SLC30A8: variants seen among roughly 807,000 people sequenced by gnomAD.
The protein encoded by SLC30A8 is solute carrier family 30 member 8, also known as proton-coupled zinc antiporter SLC30A8.
SLC30A8 carries 27 observed loss-of-function variants against 36.9 expected under a neutral mutation model. The ratio of observed to expected loss-of-function variants is 0.73; its 90% CI spans 0.54 to 1.01. The LOEUF is 1.01. SLC30A8 is among the 50% of genes least tolerant of loss of function. The pLI is 0.00. For missense variants in SLC30A8, 439 were observed against 452.0 expected, an observed-to-expected ratio of 0.97 and a Z score of 0.26; for synonymous variants, 164 against 172.4, an observed-to-expected ratio of 0.95 and a Z score of 0.38.
intron 2 of SLC30A8, among the ~76,000 whole-genome samples, chr8:117,117,765 A>T (rs1003362009): frequency 1.3e-5 from 2 of 151,962 alleles, no homozygotes; most frequent in Non-Finnish European, 2.9e-5. Flanking sequence ...ACGAACCAAT[A>T]TGATGACATC....
At chr8:116,981,148 A>G (rs550327116) in intron 1 of SLC30A8, among the ~76,000 whole-genome samples, 2 of 152,240 alleles carry the variant, frequency 1.3e-5, no homozygotes, top group South Asian at 2.1e-4. Flanking sequence ...TTTCACTTCC[A>G]TGTGTAGCAA....
intron 2 of SLC30A8, among the ~76,000 whole-genome samples, chr8:117,119,527 C>T (rs1431671852): frequency 3.3e-5 from 5 of 151,880 alleles, no homozygotes; most frequent in Admixed American, 1.3e-4. Context: ...AATTATTCTA[C>T]GTGATCACCC....
chr8:117,065,276 G>T (rs1284288437), intron 2 of SLC30A8, among the ~76,000 whole-genome samples: 1 of 152,072 alleles, frequency 6.6e-6, no homozygotes, highest in Non-Finnish European at 1.5e-5. Flanking sequence ...GTGAGATTGG[G>T]TGTCTAACAT....
chr8:117,124,818 C>T (rs1216112212), intron 2 of SLC30A8, among the ~76,000 whole-genome samples: 1 of 151,310 alleles, frequency 6.6e-6, no homozygotes, highest in Non-Finnish European at 1.5e-5. Context: ...GTGTGGGCTC[C>T]TATTGGGTAC....
intron 2 of SLC30A8, among the ~76,000 whole-genome samples, chr8:117,044,146 G>T (rs1817474070): frequency 6.6e-6 from 1 of 152,178 alleles, no homozygotes; most frequent in Non-Finnish European, 1.5e-5. Context: ...GACTGAGGAG[G>T]TAGTGGTCTT....
chr8:117,153,135 A>G (rs1432323164), intron 3 of SLC30A8, 45 bp downstream of exon 3: 2 of 1,489,244 alleles, frequency 1.3e-6, no homozygotes, highest in Admixed American at 2.0e-5. Flanking sequence ...GGTGCTGCAA[A>G]GTCAAACCAA....
intron 1 of SLC30A8, among the ~76,000 whole-genome samples, chr8:117,138,982 T>G (rs1821505148): frequency 6.6e-6 from 1 of 152,084 alleles, no homozygotes; most frequent in African/African-American, 2.4e-5. Context: ...ATAGGGACAC[T>G]GTTGAAAACA....
intron 2 of SLC30A8, among the ~76,000 whole-genome samples, chr8:117,125,021 A>G (rs916918529): frequency 3.3e-5 from 5 of 152,064 alleles, no homozygotes; most frequent in Middle Eastern, 3.2e-3. Flanking sequence ...ATATTGAGAT[A>G]CCAAAATTCT....
chr8:117,159,461 C>T (rs1476681956), intron 4 of SLC30A8, among the ~76,000 whole-genome samples: 1 of 152,162 alleles, frequency 6.6e-6, no homozygotes, highest in Non-Finnish European at 1.5e-5. Context: ...CAGCCTTGCC[C>T]CTTGACATCT....
intron 2 of SLC30A8, among the ~76,000 whole-genome samples, chr8:117,105,675 C>T (rs1208616112): frequency 1.3e-5 from 2 of 152,102 alleles, no homozygotes; most frequent in Admixed American, 6.6e-5. Flanking sequence ...TTTTTGCTCT[C>T]AGGACTTCCA....
chr8:117,058,487 G>T (rs1321876387), intron 2 of SLC30A8, among the ~76,000 whole-genome samples: 2 of 151,902 alleles, frequency 1.3e-5, no homozygotes, highest in African/African-American at 4.8e-5. Context: ...TATTCATGAG[G>T]GCTCCACCCT....
chr8:117,024,423 T>C (rs1218756119), intron 1 of SLC30A8, among the ~76,000 whole-genome samples: 4 of 152,244 alleles, frequency 2.6e-5, no homozygotes, highest in Non-Finnish European at 1.5e-5. Flanking sequence ...AAGCCTTCCA[T>C]GGTCTCTTTC....
intron 2 of SLC30A8, among the ~76,000 whole-genome samples, chr8:117,040,141 T>G (rs532789746): frequency 1.3e-5 from 2 of 152,350 alleles, no homozygotes; most frequent in South Asian, 4.1e-4. Flanking sequence ...TCTTCAGAGG[T>G]CATTTTCCTG....
intron 2 of SLC30A8, among the ~76,000 whole-genome samples, chr8:117,073,326 G>A (rs889668280): frequency 2.7e-5 from 4 of 149,450 alleles, no homozygotes; most frequent in African/African-American, 9.9e-5. Context: ...GTGTGATCTC[G>A]GCTCACTGCA....
chr8:116,978,373 C>T (rs775859146), intron 1 of SLC30A8, among the ~76,000 whole-genome samples: 3 of 152,066 alleles, frequency 2.0e-5, no homozygotes, highest in Non-Finnish European at 4.4e-5. Flanking sequence ...CCATTTGCAT[C>T]ATTGAATAGA....
intron 2 of SLC30A8, among the ~76,000 whole-genome samples, chr8:117,124,376 T>C (rs749042037): frequency 6.6e-6 from 1 of 151,906 alleles, no homozygotes; most frequent in Non-Finnish European, 1.5e-5. Context: ...TCCCCTCATG[T>C]TACAAGCCCA....
chr8:117,122,268 C>T (rs921766472), intron 2 of SLC30A8, among the ~76,000 whole-genome samples: 5 of 151,916 alleles, frequency 3.3e-5, no homozygotes, highest in Non-Finnish European at 7.4e-5. Flanking sequence ...TAGGCCCTGA[C>T]ATCCTTTAAT....
At chr8:117,119,763 G>T (rs1022173675) in intron 2 of SLC30A8, among the ~76,000 whole-genome samples, 13 of 151,854 alleles carry the variant, frequency 8.6e-5, no homozygotes, top group African/African-American at 3.1e-4. Context: ...TGTGTTTTTA[G>T]AAATAAATTC....
At chr8:117,008,973 C>G (rs1231650927) in intron 1 of SLC30A8, among the ~76,000 whole-genome samples, 1 of 152,114 alleles carries the variant, frequency 6.6e-6, no homozygotes, top group Non-Finnish European at 1.5e-5. Flanking sequence ...CAGTTTCCTC[C>G]CCAGTAAAGA....
Sources: gnomAD v4.1 joint callset for allele counts (sites outside exome capture counted in the v4.1 genomes callset) on GRCh38, gnomAD v4.1.1 for gene constraint, MANE v1.5 for transcripts, NCBI Gene and HGNC (gene_info 2026-07-23, HGNC 2026-07-21) for gene names.